The following AAK1 variants were observed in gnomAD, a reference collection of about 807,000 sequenced individuals.
The protein encoded by AAK1 is AP2-associated protein kinase 1.
Under a neutral mutation model 116.0 loss-of-function variants are expected in AAK1, and 37 were observed. The ratio of observed to expected loss-of-function variants is 0.32; its 90% CI spans 0.25 to 0.42. The LOEUF is 0.42. Ranked by LOEUF, AAK1 falls within the 10% of genes least tolerant of loss-of-function variation. AAK1 has a pLI of 1.00. For synonymous variants in AAK1, 458 were observed against 439.9 expected (o/e 1.04, Z -0.51); for missense variants, 919 against 1,170.6 (o/e 0.79, Z 3.14).
At chr2:69,624,270 T>TA (rs892656212) in intron 2 of AAK1, among the ~76,000 whole-genome samples, 2 of 152,106 alleles carry the variant, frequency 1.3e-5, no homozygotes, top group Non-Finnish European at 2.9e-5. Context: ...CTCAAAGGCT[T>TA]AAAAAAAATT....
At chr2:69,611,383 T>C (rs549454818) in intron 2 of AAK1, among the ~76,000 whole-genome samples, 1 of 152,354 alleles carries the variant, frequency 6.6e-6, no homozygotes, top group African/African-American at 2.4e-5. Flanking sequence ...CTGGGGGCTT[T>C]TGGGCCTTCG....
chr2:69,588,385 C>G (rs1373085123), intron 2 of AAK1, among the ~76,000 whole-genome samples: 1 of 152,222 alleles, frequency 6.6e-6, no homozygotes, highest in Non-Finnish European at 1.5e-5. Context: ...TGATATAGGA[C>G]ATGCTCCACT....
rs1674284919 is a variant in AAK1 at position 69,459,273 on chromosome 2, TG to T, written c.*16595del. ...TCATTCATTCATGTTTTGTTTGTTT[TG>T]TTTTTTTGAGACAGGGTCTGGCTCT... On this transcript the variant is annotated 3_prime_UTR_variant, in exon 22 of 22. Coordinates refer to ENST00000409085, the MANE Select transcript of AAK1 (RefSeq NM_014911.5). 1 of 152,220 alleles carries T rather than the reference TG, an allele frequency of 6.6e-6. No individual in the cohort carries two copies. The highest frequency in any genetic ancestry group is 1.5e-5 in the Non-Finnish European group (1 of 68,056). 9.4% of individuals were successfully genotyped at this position (152,220 alleles called of 1,614,324 possible). A position where few individuals can be genotyped will look rare whatever the true frequency, so the allele number is the denominator to read the frequency against.
At position 69,551,351 on chromosome 2, in the gene AAK1, T is replaced by C. The variant is rs1013238617; in HGVS notation, c.282+5509A>G. ...CAAACCACCATGGCACACATTTACCTATGTAACAAACCTGCACATCCTGTA... is the reference window on the plus strand; with the variant it reads ...CAAACCACCATGGCACACATTTACCCATGTAACAAACCTGCACATCCTGTA... On this transcript the variant is annotated intron_variant, in intron 3 of 21. Coordinates refer to ENST00000409085, the MANE Select transcript of AAK1 (RefSeq NM_014911.5). 2.6e-5 allele frequency among the ~76,000 whole-genome samples: 4 copies of C among 152,176 alleles called. No individual in the cohort carries two copies. The East Asian group carries it at 5.8e-4, about 22-fold the overall frequency.
chr2:69,599,551 A>G (rs1188071632), intron 2 of AAK1, among the ~76,000 whole-genome samples: 1 of 152,186 alleles, frequency 6.6e-6, no homozygotes, highest in African/African-American at 2.4e-5. Context: ...AATACTATAT[A>G]AATAGAATAG....
chr2:69,589,520 C>A (rs1361388232), intron 2 of AAK1, among the ~76,000 whole-genome samples: 1 of 151,830 alleles, frequency 6.6e-6, no homozygotes, highest in Non-Finnish European at 1.5e-5. Flanking sequence ...ACCAGCCTGA[C>A]CAATATGATG....
At chr2:69,551,048 GT>G (rs201943594) in intron 3 of AAK1, among the ~76,000 whole-genome samples, 11 of 148,722 alleles carry the variant, frequency 7.4e-5, no homozygotes, top group African/African-American at 2.5e-4. Context: ...TGCTTCCTGT[GT>G]TTTTTTTTCA....
chr2:69,549,221 T>A (rs1407041616), intron 3 of AAK1, among the ~76,000 whole-genome samples: 1 of 151,960 alleles, frequency 6.6e-6, no homozygotes, highest in Non-Finnish European at 1.5e-5. Flanking sequence ...ACACAAAAAT[T>A]AGCCAGGCGT....
At chr2:69,525,138 CA>C in intron 9 of AAK1, 26 bp from the exon 10 acceptor site, 10 of 1,608,146 alleles carry the variant, frequency 6.2e-6, no homozygotes, top group African/African-American at 4.0e-5. Context: ...CAAAACAGAA[CA>C]AAACAAAAGG....
chr2:69,570,321 GT>G (rs1672043749), intron 2 of AAK1, among the ~76,000 whole-genome samples: 1 of 151,536 alleles, frequency 6.6e-6, no homozygotes, highest in Non-Finnish European at 1.5e-5. Context: ...GTTTACAATT[GT>G]TAAAATAACA....
intron 17 of AAK1, among the ~76,000 whole-genome samples, chr2:69,491,943 T>C (rs1056043909): frequency 1.6e-4 from 24 of 152,266 alleles, no homozygotes; most frequent in African/African-American, 5.5e-4. Context: ...AAGGCTTTAT[T>C]GATCTGAGAA....
chr2:69,476,108 T>C, intron 21 of AAK1, 145 bp from the exon 22 acceptor site: 1 of 1,427,600 alleles, frequency 7.0e-7, no homozygotes, highest in Non-Finnish European at 9.2e-7. Flanking sequence ...GAAGCAATAT[T>C]TTACATTTGC....
Position 69,465,290 on chromosome 2 carries a change from G to A in AAK1, c.*10579C>T. The A allele has an allele frequency of 1.2e-6, 1 of 816,156 alleles. No homozygotes were observed. The highest frequency in any genetic ancestry group is 1.7e-6 in the Non-Finnish European group (1 of 604,892). 50.6% of individuals were successfully genotyped at this position (816,156 alleles called of 1,614,324 possible). On this transcript the variant is annotated 3_prime_UTR_variant, in exon 22 of 22. Transcript: ENST00000409085. ...ACTGCAACTGAGTTTGTTGACTCAA[G>A]AAATTCTGCTCTGACGCAGGGAATT...
rs71397334 is a variant in AAK1, at chr2:69,520,358, CTTTTT to C, written c.1210+471_1210+475del. On this transcript the variant is annotated intron_variant, in intron 11 of 21. Coordinates refer to ENST00000409085, the MANE Select transcript of AAK1 (RefSeq NM_014911.5). ...CAGCCATTTGCGATACAATTCTTTT[CTTTTT>C]TTTTTTTTTTTTTTGAAGCGGAGTT... 3.9e-5 allele frequency among the ~76,000 whole-genome samples: 5 copies of C among 127,398 alleles called. No individual in the cohort carries two copies. The South Asian group carries it at 7.5e-4, about 19-fold the overall frequency. 83.6% of individuals were successfully genotyped at this position (127,398 alleles called of 152,430 possible).
intron 2 of AAK1, among the ~76,000 whole-genome samples, chr2:69,579,860 G>A (rs757438852): frequency 1.3e-5 from 2 of 152,090 alleles, no homozygotes; most frequent in African/African-American, 2.4e-5. Context: ...CAGAGGTCCA[G>A]ACCCATATAT....
chr2:69,623,311 C>T (rs907424539), intron 2 of AAK1, among the ~76,000 whole-genome samples: 36 of 152,296 alleles, frequency 2.4e-4, no homozygotes, highest in African/African-American at 8.7e-4. Context: ...GACCAAGAAC[C>T]CACCAATTCT....
At chr2:69,609,445 G>A (rs1037051369) in intron 2 of AAK1, among the ~76,000 whole-genome samples, 3 of 151,694 alleles carry the variant, frequency 2.0e-5, no homozygotes, top group Non-Finnish European at 4.4e-5. Flanking sequence ...ATTTTGGAAG[G>A]CAGAGGCAGG....
chr2:69,524,128 T>A (rs1439470076), intron 10 of AAK1, among the ~76,000 whole-genome samples: 2 of 152,234 alleles, frequency 1.3e-5, no homozygotes, highest in Non-Finnish European at 2.9e-5. Flanking sequence ...CCTGGTGCTT[T>A]GACCTGCATT....
intron 11 of AAK1, 115 bp downstream of exon 11, chr2:69,520,719 T>TA (rs1387529587): frequency 1.9e-5 from 23 of 1,228,006 alleles, no homozygotes; most frequent in Non-Finnish European, 2.5e-5. Flanking sequence ...GGAACACTGT[T>TA]ATCTCTGTGT....
Sources: gnomAD v4.1 joint callset for allele counts (sites outside exome capture counted in the v4.1 genomes callset) on GRCh38, gnomAD v4.1.1 for gene constraint, MANE v1.5 for transcripts, NCBI Gene and HGNC (gene_info 2026-07-23, HGNC 2026-07-21) for gene names.